ZNF713: variants seen among roughly 807,000 people sequenced by gnomAD.
ZNF713 encodes the protein zinc finger protein 713.
ZNF713 carries 21 observed loss-of-function variants against 28.7 expected under a neutral mutation model. That is an observed-to-expected ratio of 0.73 (90% CI 0.52 to 1.05). The LOEUF is 1.05. Among genes scored for constraint, ZNF713 ranks in the 50% least tolerant of loss-of-function variants. The pLI, the probability that ZNF713 is intolerant of heterozygous loss-of-function variation, is 0.00. For synonymous variants in ZNF713, 167 were observed against 178.0 expected (o/e 0.94, Z 0.49); for missense variants, 458 against 532.4 (o/e 0.86, Z 1.37).
At chr7:55,929,731 G>A (rs549912008) in intron 6 of ZNF713, among the ~76,000 whole-genome samples, 3 of 151,664 alleles carry the variant, frequency 2.0e-5, no homozygotes, top group East Asian at 3.9e-4. Flanking sequence ...CTCCAGCCTG[G>A]GTGACAGAGC....
intron 4 of ZNF713, among the ~76,000 whole-genome samples, chr7:55,913,297 G>A (rs146283367): frequency 0.019 from 2,828 of 148,444 alleles, 32 homozygotes; most frequent in Non-Finnish European, 0.029. Context: ...CGCCTCCTGG[G>A]TTCAAGTGAT....
chr7:55,923,910 A>G (rs1786046089), intron 6 of ZNF713: 2 of 374,074 alleles, frequency 5.3e-6, no homozygotes. Flanking sequence ...TATTGTTTTA[A>G]AAATGCACAC....
intron 1 of ZNF713, among the ~76,000 whole-genome samples, chr7:55,903,557 C>G (rs1371714953): frequency 6.6e-6 from 1 of 151,408 alleles, no homozygotes; most frequent in Non-Finnish European, 1.5e-5. Flanking sequence ...ATCCCAGCCA[C>G]TTGGGAGGCT....
At chr7:55,899,441 G>T (rs1394699844) in intron 1 of ZNF713, among the ~76,000 whole-genome samples, 17 of 145,234 alleles carry the variant, frequency 1.2e-4, no homozygotes, top group Admixed American at 3.4e-4. Flanking sequence ...GAGGGGGGGG[G>T]GGGGGTTGAT....
chr7:55,926,838 G>T (rs1039574299), intron 6 of ZNF713, among the ~76,000 whole-genome samples: 7 of 152,132 alleles, frequency 4.6e-5, no homozygotes, highest in African/African-American at 1.7e-4. Flanking sequence ...CTTATAAGCA[G>T]CTAGACTGAG....
intron 1 of ZNF713, among the ~76,000 whole-genome samples, chr7:55,903,467 C>T (rs1584300901): frequency 1.3e-5 from 2 of 151,890 alleles, no homozygotes; most frequent in East Asian, 3.9e-4. Context: ...GTCAGGAGTT[C>T]AAGACCAGAC....
At chr7:55,918,000 A>G (rs1785916808) in intron 4 of ZNF713, 1 of 454,954 alleles carries the variant, frequency 2.2e-6, no homozygotes, top group Admixed American at 2.4e-5. Context: ...TCCCATCCCA[A>G]ATGCTTTCTT....
chr7:55,916,338 C>T (rs1012344114), intron 4 of ZNF713, among the ~76,000 whole-genome samples: 1 of 152,248 alleles, frequency 6.6e-6, no homozygotes, highest in African/African-American at 2.4e-5. Context: ...GGCCTTTGCA[C>T]TGTTAACCTG....
intron 1 of ZNF713, among the ~76,000 whole-genome samples, chr7:55,893,027 C>T (rs966271789): frequency 6.6e-5 from 10 of 151,708 alleles, no homozygotes; most frequent in East Asian, 5.9e-4. Context: ...GGACTACAGG[C>T]GGCCGCCACC....
chr7:55,909,057 G>A (rs112815552), intron 2 of ZNF713, among the ~76,000 whole-genome samples: 1 of 151,994 alleles, frequency 6.6e-6, no homozygotes, highest in African/African-American at 2.4e-5. Flanking sequence ...AATTAGCTGG[G>A]CGTGGTGGCA....
At chr7:55,922,243 T>C (rs1038096482) in intron 4 of ZNF713, among the ~76,000 whole-genome samples, 1 of 152,086 alleles carries the variant, frequency 6.6e-6, no homozygotes, top group Admixed American at 6.5e-5. Context: ...CTGTCTTATA[T>C]TAAGAAGTTG....
intron 4 of ZNF713, among the ~76,000 whole-genome samples, chr7:55,913,460 C>G (rs1233972908): frequency 6.6e-6 from 1 of 152,028 alleles, no homozygotes; most frequent in Non-Finnish European, 1.5e-5. Flanking sequence ...CTCAGCCTCC[C>G]AAAGTGCTGG....
intron 4 of ZNF713, among the ~76,000 whole-genome samples, chr7:55,913,100 AAT>A (rs1046822859): frequency 3.9e-5 from 6 of 152,100 alleles, no homozygotes; most frequent in African/African-American, 1.4e-4. Flanking sequence ...TAATGGGATT[AAT>A]AAGAATGCCT....
At chr7:55,895,533 A>G (rs1326883246) in intron 1 of ZNF713, among the ~76,000 whole-genome samples, 1 of 128,776 alleles carries the variant, frequency 7.8e-6, no homozygotes. Context: ...CAATGGCATG[A>G]TCTCGGCTCA....
At chr7:55,934,861 C>G (rs1416964475) in intron 6 of ZNF713, among the ~76,000 whole-genome samples, 1 of 150,534 alleles carries the variant, frequency 6.6e-6, no homozygotes, top group Non-Finnish European at 1.5e-5. Context: ...GTGTAGTGTG[C>G]AAACCCTATG....
At chr7:55,893,073 C>T (rs549849230) in intron 1 of ZNF713, among the ~76,000 whole-genome samples, 42 of 151,558 alleles carry the variant, frequency 2.8e-4, no homozygotes, top group Admixed American at 2.6e-4. Flanking sequence ...TTAGTAGAGA[C>T]GGGGTTTCAC....
intron 1 of ZNF713, among the ~76,000 whole-genome samples, chr7:55,893,140 C>T (rs748489125): frequency 2.6e-5 from 4 of 152,086 alleles, no homozygotes; most frequent in Non-Finnish European, 5.9e-5. Context: ...GCCTCAGCCT[C>T]CCAAAGTGCT....
Position 55,939,883 on chromosome 7 carries a change from C to T in ZNF713, c.1209C>T (p.Cys403=), listed in dbSNP as rs34016595. The T allele has an allele frequency of 0.27, 432,691 of 1,613,656 alleles. 60,454 individuals carry two copies. Among genetic ancestry groups the T allele is most frequent in the African/African-American group, 0.38 (28,579 of 74,888 alleles). ...AGAAACCCTATAAATGTAATGAATG[C>T]GGGAAAGCCTTTAGCCAGAGTGCAC... ...TGEKPYKCNE[C]GKAFSQSAHL... Residue 403 remains cysteine, a synonymous_variant, in exon 7 of 7, where the codon TGC becomes TGT. Coordinates refer to ENST00000429591, the MANE Select transcript of ZNF713 (RefSeq NM_182633.3).
In ZNF713 at chr7:55,940,552, T is replaced by C; in HGVS notation, c.*546T>C. ...AATGAGATTATATTTGGAGTCATGT[T>C]CCAAATCTGATATAAAACTTTTTAA... On this transcript the variant is annotated 3_prime_UTR_variant, in exon 7 of 7. Coordinates refer to ENST00000429591, the MANE Select transcript of ZNF713 (RefSeq NM_182633.3). The C allele has an allele frequency of 1.0e-6, 1 of 982,704 alleles. No individual in the cohort carries two copies. Among genetic ancestry groups the C allele is most frequent in the Non-Finnish European group, 1.2e-6 (1 of 827,590 alleles). The allele number at this position is 982,704 out of a possible 1,614,324, so 60.9% of individuals were successfully genotyped here.
Sources: gnomAD v4.1 joint callset for allele counts (sites outside exome capture counted in the v4.1 genomes callset) on GRCh38, gnomAD v4.1.1 for gene constraint, MANE v1.5 for transcripts, NCBI Gene and HGNC (gene_info 2026-07-23, HGNC 2026-07-21) for gene names.